SGIP1: variants seen among roughly 807,000 people sequenced by gnomAD.
SGIP1 encodes SH3GL interacting endocytic adaptor 1.
SGIP1 carries 38 observed loss-of-function variants against 107.5 expected under a neutral mutation model. The observed-to-expected ratio is 0.35, with a 90% confidence interval of 0.27 to 0.46. SGIP1 has a LOEUF of 0.46. SGIP1 is among the 20% of genes least tolerant of loss of function. The pLI is 1.00. For missense variants in SGIP1, 929 were observed against 1,019.5 expected (o/e 0.91, Z 1.21); for synonymous variants, 365 against 366.1 (o/e 1.00, Z 0.03).
intron 1 of SGIP1, among the ~76,000 whole-genome samples, chr1:66,598,465 C>T (rs1276913058): frequency 1.3e-5 from 2 of 152,202 alleles, no homozygotes; most frequent in East Asian, 3.9e-4. Context: ...AACCTCTGGC[C>T]ACGTGTATTA....
chr1:66,589,536 G>A (rs1194884416), intron 1 of SGIP1, among the ~76,000 whole-genome samples: 2 of 151,916 alleles, frequency 1.3e-5, no homozygotes, highest in Non-Finnish European at 2.9e-5. Context: ...GGGCTCTTGA[G>A]CTTGTGATGG....
At chr1:66,632,635 A>G (rs1451214474) in intron 2 of SGIP1, among the ~76,000 whole-genome samples, 2 of 152,202 alleles carry the variant, frequency 1.3e-5, no homozygotes, top group African/African-American at 4.8e-5. Flanking sequence ...CCTGGGCAAC[A>G]TAACCAGACC....
At chr1:66,593,997 A>G (rs749497948) in intron 1 of SGIP1, among the ~76,000 whole-genome samples, 4 of 152,244 alleles carry the variant, frequency 2.6e-5, no homozygotes, top group Non-Finnish European at 5.9e-5. Context: ...ATATTACAAG[A>G]AATGAAATAA....
chr1:66,689,078 C>T, intron 15 of SGIP1, 70 bp from the exon 16 acceptor site: 1 of 1,503,246 alleles, frequency 6.7e-7, no homozygotes, highest in Non-Finnish European at 8.9e-7. Flanking sequence ...CCGGGACTGG[C>T]ATTATACTGT....
In SGIP1 at chr1:66,679,756, C is replaced by G; in HGVS notation, c.814+4C>G. The G allele has an allele frequency of 6.3e-7, 1 of 1,591,226 alleles. No homozygotes were observed. Among genetic ancestry groups the G allele is most frequent in the Non-Finnish European group, 8.5e-7 (1 of 1,173,982 alleles). ...TCCCCCTTAACAATTGGACCAGGTA[C>G]GCTTTTGTTTTTTCAGTTCTGGGAT... is the stretch of plus-strand genomic sequence containing the variant. On this transcript the variant is annotated splice_donor_region_variant and intron_variant, in intron 14 of 24. Coordinates refer to ENST00000371037, the MANE Select transcript of SGIP1 (RefSeq NM_032291.4).
chr1:66,742,469 T>C (rs994124991), intron 24 of SGIP1, among the ~76,000 whole-genome samples: 1 of 70,652 alleles, frequency 1.4e-5, no homozygotes, highest in Non-Finnish European at 3.0e-5. Context: ...TCTTTTTTTT[T>C]TTTTTTTTTT....
intron 17 of SGIP1, among the ~76,000 whole-genome samples, chr1:66,690,873 C>T (rs1398372412): frequency 2.0e-5 from 3 of 152,090 alleles, no homozygotes; most frequent in Non-Finnish European, 2.9e-5. Context: ...AGAAATAAGC[C>T]GTTGGTGGCA....
chr1:66,694,449 C>G (rs371206061), intron 17 of SGIP1: 25 of 1,607,040 alleles, frequency 1.6e-5, no homozygotes, highest in Non-Finnish European at 2.1e-5. Context: ...TGTCAGAAGA[C>G]GATGTTTTTT....
intron 19 of SGIP1, among the ~76,000 whole-genome samples, chr1:66,726,045 G>T (rs2093738946): frequency 6.6e-6 from 1 of 152,162 alleles, no homozygotes; most frequent in African/African-American, 2.4e-5. Context: ...GTGCTACCAG[G>T]CACTGGCAGA....
intron 1 of SGIP1, among the ~76,000 whole-genome samples, chr1:66,560,337 C>T (rs2058744756): frequency 6.6e-6 from 1 of 151,984 alleles, no homozygotes; most frequent in South Asian, 2.1e-4. Flanking sequence ...TCAGGCCCAC[C>T]CTCATTAGTT....
intron 7 of SGIP1, among the ~76,000 whole-genome samples, chr1:66,658,313 C>T (rs1195621923): frequency 1.3e-5 from 2 of 152,168 alleles, no homozygotes; most frequent in African/African-American, 2.4e-5. Flanking sequence ...GATCTGAACA[C>T]ATAATCTACA....
chr1:66,705,788 T>C (rs1348636143), intron 18 of SGIP1, among the ~76,000 whole-genome samples: 2 of 152,078 alleles, frequency 1.3e-5, no homozygotes, highest in Non-Finnish European at 2.9e-5. Flanking sequence ...AGAACACTTA[T>C]GGGTTCTCAC....
At chr1:66,630,869 A>AAGAAAGAAAGAAAGAAAGAAAGAAAG (rs2074256388) in intron 2 of SGIP1, among the ~76,000 whole-genome samples, 1 of 50,294 alleles carries the variant, frequency 2.0e-5, no homozygotes, top group African/African-American at 1.1e-4. Flanking sequence ...GAAAGAAAGA[A>AAGAAAGAAAGAAAGAAAGAAAGAAAG]AGAAAGAAAG....
At chr1:66,597,741 T>C (rs910258907) in intron 1 of SGIP1, among the ~76,000 whole-genome samples, 1 of 152,168 alleles carries the variant, frequency 6.6e-6, no homozygotes, top group East Asian at 1.9e-4. Flanking sequence ...TCTCAGAGTA[T>C]GGGACTTTCT....
At chr1:66,665,006 G>T (rs1441230976) in intron 8 of SGIP1, among the ~76,000 whole-genome samples, 1 of 152,120 alleles carries the variant, frequency 6.6e-6, no homozygotes, top group African/African-American at 2.4e-5. Context: ...TAAGTTCTGG[G>T]ATACATGTGC....
chr1:66,720,953 T>C (rs567681215), intron 19 of SGIP1, among the ~76,000 whole-genome samples: 35 of 152,294 alleles, frequency 2.3e-4, no homozygotes, highest in African/African-American at 7.9e-4. Flanking sequence ...AATATTATAC[T>C]GGAAAACTAA....
intron 16 of SGIP1, among the ~76,000 whole-genome samples, 180 bp downstream of exon 16, chr1:66,689,455 T>C (rs900538555): frequency 2.0e-5 from 3 of 152,194 alleles, no homozygotes; most frequent in Non-Finnish European, 4.4e-5. Context: ...TCTACCATCT[T>C]TCAAGCCAAG....
intron 24 of SGIP1, among the ~76,000 whole-genome samples, chr1:66,742,716 G>C (rs1329045179): frequency 1.3e-5 from 2 of 148,710 alleles, no homozygotes; most frequent in African/African-American, 5.1e-5. Flanking sequence ...TGATCCGCCC[G>C]CCTCGGCCTC....
rs144478884 is a variant in SGIP1, at chr1:66,716,895, C to A, written c.1631-2399C>A. ...TGCTTCCACATGTCACCCTTCAATA[C>A]CCACCACACTCACATACACACACAA... On this transcript the variant is annotated intron_variant, in intron 18 of 24. Transcript: ENST00000371037. 1.1e-3 allele frequency among the ~76,000 whole-genome samples: 162 copies of A among 152,172 alleles called. 1 individual carries two copies. Among genetic ancestry groups the A allele is most frequent in the Non-Finnish European group, 1.5e-3 (102 of 67,970 alleles).
Sources: gnomAD v4.1 joint callset for allele counts (sites outside exome capture counted in the v4.1 genomes callset) on GRCh38, gnomAD v4.1.1 for gene constraint, MANE v1.5 for transcripts, NCBI Gene and HGNC (gene_info 2026-07-23, HGNC 2026-07-21) for gene names.